Variants in ARK2N observed in about 807,000 individuals in gnomAD.
The protein encoded by ARK2N is arkadia (RNF111) N-terminal like PKA signaling regulator 2N.
the ARK2N span, chr18:46,228,847 G>A: frequency 5.0e-6 from 2 of 398,420 alleles, no homozygotes; most frequent in African/African-American, 2.1e-5. Context: ...CTGAGATTCT[G>A]TGGGATTCGC....
the ARK2N span, among the ~76,000 whole-genome samples, chr18:46,241,603 C>T: frequency 4.0e-5 from 6 of 150,718 alleles, no homozygotes; most frequent in East Asian, 3.9e-4. Flanking sequence ...TGGTGGTGGG[C>T]GTGGTGGTGG....
At chr18:46,180,904 A>G in the ARK2N span, among the ~76,000 whole-genome samples, 1 of 152,214 alleles carries the variant, frequency 6.6e-6, no homozygotes, top group African/African-American at 2.4e-5. Flanking sequence ...TTCATTTTAA[A>G]TAAGGTATTA....
chr18:46,231,470 G>A, the ARK2N span, among the ~76,000 whole-genome samples: 1 of 151,248 alleles, frequency 6.6e-6, no homozygotes, highest in Admixed American at 6.6e-5. Flanking sequence ...CTTCCTAAAG[G>A]TATGTAAGAA....
chr18:46,220,181 G>A, the ARK2N span, among the ~76,000 whole-genome samples: 4 of 152,248 alleles, frequency 2.6e-5, no homozygotes, highest in Admixed American at 2.6e-4. Context: ...GGTAAGAGTC[G>A]GTTGTCTTGG....
chr18:46,193,591 G>GTTTTT, the ARK2N span, among the ~76,000 whole-genome samples: 2 of 92,388 alleles, frequency 2.2e-5, no homozygotes, highest in East Asian at 3.7e-4. Flanking sequence ...GCCCAGCCGG[G>GTTTTT]TTTTTTTTTT....
chr18:46,194,503 C>G, the ARK2N span, among the ~76,000 whole-genome samples: 5 of 150,086 alleles, frequency 3.3e-5, no homozygotes, highest in Non-Finnish European at 5.9e-5. Context: ...GACGGAGTCT[C>G]GCTGTGTCAC....
At chr18:46,193,103 T>C in the ARK2N span, among the ~76,000 whole-genome samples, 1 of 151,260 alleles carries the variant, frequency 6.6e-6, no homozygotes, top group East Asian at 2.0e-4. Context: ...GCAGTGGAGG[T>C]TGCAAGTGAG....
chr18:46,203,813 C>T, the ARK2N span, among the ~76,000 whole-genome samples: 1 of 152,076 alleles, frequency 6.6e-6, no homozygotes, highest in Non-Finnish European at 1.5e-5. Flanking sequence ...TCTCAAACTC[C>T]TGGGCTCAAG....
chr18:46,207,055 C>A, the ARK2N span, among the ~76,000 whole-genome samples: 1 of 152,190 alleles, frequency 6.6e-6, no homozygotes, highest in African/African-American at 2.4e-5. Flanking sequence ...GGATTATAGG[C>A]ATGAGCCGCT....
the ARK2N span, among the ~76,000 whole-genome samples, chr18:46,259,190 A>G: frequency 1.3e-5 from 2 of 152,134 alleles, no homozygotes; most frequent in South Asian, 4.1e-4. Flanking sequence ...CTTATACCCA[A>G]GTAACAAGCA....
the ARK2N span, chr18:46,216,148 T>C: frequency 6.2e-7 from 1 of 1,614,082 alleles, no homozygotes; most frequent in Non-Finnish European, 8.5e-7. This position sits in a 1 kb window ranked among gnomAD's most constrained non-coding sequence, Gnocchi z 4.3. Context: ...GAGTGACTCC[T>C]CTAATCACTG....
At chr18:46,200,013 G>A in the ARK2N span, among the ~76,000 whole-genome samples, 1 of 152,070 alleles carries the variant, frequency 6.6e-6, no homozygotes, top group Non-Finnish European at 1.5e-5. Context: ...CTGCGGCCCT[G>A]TGGATTTTAA....
At chr18:46,240,424 G>A in the ARK2N span, among the ~76,000 whole-genome samples, 28 of 152,174 alleles carry the variant, frequency 1.8e-4, no homozygotes, top group Non-Finnish European at 3.5e-4. Flanking sequence ...TTAATTGTAG[G>A]TATTGGTAGG....
At chr18:46,174,955 C>T in the ARK2N span, among the ~76,000 whole-genome samples, 1 of 152,240 alleles carries the variant, frequency 6.6e-6, no homozygotes, top group Admixed American at 6.5e-5. Flanking sequence ...CGGCAGGCGC[C>T]TCCAGTCAAT....
chr18:46,224,662 TTCAGTCAGTTG>T, the ARK2N span, among the ~76,000 whole-genome samples: 630 of 152,318 alleles, frequency 4.1e-3, 3 homozygotes, highest in Admixed American at 0.01. Context: ...CTGTTAAAGA[TTCAGTCAGTTG>T]TATTCAGTCT....
the ARK2N span, among the ~76,000 whole-genome samples, chr18:46,205,603 C>T: frequency 6.6e-6 from 1 of 152,184 alleles, no homozygotes; most frequent in Admixed American, 6.5e-5. Context: ...AAAGTCTCTT[C>T]TGTGTTCACT....
At chr18:46,241,054 A>G in the ARK2N span, among the ~76,000 whole-genome samples, 4 of 152,246 alleles carry the variant, frequency 2.6e-5, no homozygotes, top group Admixed American at 1.3e-4. Context: ...AGTTAATCTA[A>G]TAGTTTAATC....
the ARK2N span, among the ~76,000 whole-genome samples, chr18:46,177,153 T>C: frequency 6.6e-6 from 1 of 152,206 alleles, no homozygotes; most frequent in South Asian, 2.1e-4. Flanking sequence ...CTTGGGTTAC[T>C]GTAATTCTCT....
the ARK2N span, among the ~76,000 whole-genome samples, chr18:46,190,498 C>T: frequency 8.9e-5 from 13 of 146,162 alleles, no homozygotes; most frequent in South Asian, 6.4e-4. Flanking sequence ...CCCGGCCCCC[C>T]GAAAAAAAAA....
Sources: gnomAD v4.1 joint callset for allele counts (sites outside exome capture counted in the v4.1 genomes callset) on GRCh38, gnomAD v4.1.1 for gene constraint, Gnocchi (gnomAD v3.1) non-coding constraint, MANE v1.5 for transcripts, NCBI Gene and HGNC (gene_info 2026-07-23, HGNC 2026-07-21) for gene names.